The following PRDM16 variants were observed in gnomAD, a reference collection of about 807,000 sequenced individuals.
The protein encoded by PRDM16 is histone-lysine N-methyltransferase PRDM16.
Under a neutral mutation model 110.6 loss-of-function variants are expected in PRDM16, and 23 were observed. The observed-to-expected ratio is 0.21, with a 90% CI of 0.15 to 0.29. The LOEUF is 0.29. Ranked by LOEUF, PRDM16 falls within the 10% of genes least tolerant of loss-of-function variation. PRDM16 has a pLI of 1.00. For synonymous variants in PRDM16, 799 were observed against 781.8 expected, an observed-to-expected ratio of 1.02 and a Z score of -0.37; for missense variants, 1,615 against 1,794.3, an observed-to-expected ratio of 0.90 and a Z score of 1.81.
At position 3,434,451 on chromosome 1, in the gene PRDM16, A is replaced by G. The variant is rs1221907674; in HGVS notation, c.*640A>G. The G allele has an allele frequency of 4.3e-6, 1 of 231,106 alleles. No homozygotes were observed. The highest frequency in any genetic ancestry group is 6.1e-5 in the East Asian group (1 of 16,370). 14.3% of individuals were successfully genotyped at this position (231,106 alleles called of 1,614,324 possible). A position where few individuals can be genotyped will look rare whatever the true frequency, so the allele number is the denominator to read the frequency against. On this transcript the variant is annotated 3_prime_UTR_variant, in exon 17 of 17. Transcript: ENST00000270722. The stretch of plus-strand genomic sequence containing the variant: ...TGGGTGTATTCTTTATACTGTAGAT[A>G]ATGGAGAAATTTTCTATCTCTGTCC...
rs1010234762 is a variant in PRDM16, at chr1:3,436,894, A to T, written c.*3083A>T. The T allele has an allele frequency of 4.3e-6, 1 of 232,388 alleles. No individual in the cohort carries two copies. The highest frequency in any genetic ancestry group is 8.5e-6 in the Non-Finnish European group (1 of 117,766). The allele number at this position is 232,388 out of a possible 1,614,324, so 14.4% of individuals were successfully genotyped here. Reference sequence around the variant, plus strand: ...TGCTGCCCCAATGCTAACTCCTTGGATTGTCAACCCCCATCCCCCAAATGG... The same window carrying T: ...TGCTGCCCCAATGCTAACTCCTTGGTTTGTCAACCCCCATCCCCCAAATGG... On this transcript the variant is annotated 3_prime_UTR_variant, in exon 17 of 17. Coordinates refer to ENST00000270722, the MANE Select transcript of PRDM16 (RefSeq NM_022114.4).
At chr1:3,120,197 G>A (rs183630852) in intron 1 of PRDM16, among the ~76,000 whole-genome samples, 1 of 152,210 alleles carries the variant, frequency 6.6e-6, no homozygotes, top group Admixed American at 6.5e-5. Flanking sequence ...TAATTAAGGC[G>A]ATGGATTAAA....
chr1:3,371,372 A>G (rs538189909), intron 3 of PRDM16, among the ~76,000 whole-genome samples: 8 of 150,388 alleles, frequency 5.3e-5, no homozygotes, highest in Admixed American at 3.3e-4. Context: ...CCATTTGTCC[A>G]TCCACCCATC....
chr1:3,411,728 AC>A lies in PRDM16; in HGVS notation c.1536del (p.Gly513AlafsTer27), dbSNP rs2100662695. ...STAPPTFPAL[T>X]PGFPGIFPPS... ...GGCGCCTCCCACGTTCCCCGCACTC[AC>A]CCCCGGCTTCCCGGGCATCTTCCCT... On this transcript the variant is annotated frameshift_variant, in exon 9 of 17. Coordinates refer to ENST00000270722, the MANE Select transcript of PRDM16 (RefSeq NM_022114.4). LOFTEE classifies it high-confidence loss of function. 1 of 1,609,888 alleles carries A rather than the reference AC, an allele frequency of 6.2e-7. No individual in the cohort carries two copies. The highest frequency in any genetic ancestry group is 8.5e-7 in the Non-Finnish European group (1 of 1,178,160).
intron 1 of PRDM16, among the ~76,000 whole-genome samples, chr1:3,147,819 G>A (rs1569689275): frequency 6.6e-6 from 1 of 152,186 alleles, no homozygotes; most frequent in East Asian, 1.9e-4. Context: ...AGCCAGAGGT[G>A]AATCTGAGGT....
intron 1 of PRDM16, among the ~76,000 whole-genome samples, chr1:3,113,286 G>A (rs1035113682): frequency 2.0e-5 from 3 of 152,230 alleles, no homozygotes; most frequent in Non-Finnish European, 4.4e-5. Flanking sequence ...AGGGGAGTGG[G>A]AGGGGAAGCA....
At chr1:3,273,438 ATGTG>A (rs61465980) in intron 3 of PRDM16, among the ~76,000 whole-genome samples, 39,861 of 151,732 alleles carry the variant, frequency 0.26, 7,958 homozygotes, top group African/African-American at 0.54. Context: ...GTGCGTGCAC[ATGTG>A]TGTGTGTGGG....
At chr1:3,360,097 C>A (rs1642685561) in intron 3 of PRDM16, among the ~76,000 whole-genome samples, 1 of 152,236 alleles carries the variant, frequency 6.6e-6, no homozygotes, top group African/African-American at 2.4e-5. Flanking sequence ...TCGAACACTT[C>A]TTTTATCTCA....
At chr1:3,329,763 C>A (rs541247646) in intron 3 of PRDM16, among the ~76,000 whole-genome samples, 22 of 152,342 alleles carry the variant, frequency 1.4e-4, no homozygotes, top group African/African-American at 5.3e-4. Flanking sequence ...CCAGGCCGTG[C>A]GGCTTCTGGA....
chr1:3,139,535 G>T (rs1398112870), intron 1 of PRDM16, among the ~76,000 whole-genome samples: 26 of 152,252 alleles, frequency 1.7e-4, no homozygotes, highest in Admixed American at 1.6e-3. Flanking sequence ...CAGCAGTGCC[G>T]CATCCGGGGG....
chr1:3,127,330 C>G (rs1002154100), intron 1 of PRDM16, among the ~76,000 whole-genome samples: 1 of 152,194 alleles, frequency 6.6e-6, no homozygotes, highest in African/African-American at 2.4e-5. Flanking sequence ...ATGTTGGTTT[C>G]TGGAACCTTG....
intron 1 of PRDM16, among the ~76,000 whole-genome samples, chr1:3,174,347 CA>C (rs1205400512): frequency 6.6e-6 from 1 of 152,194 alleles, no homozygotes; most frequent in African/African-American, 2.4e-5. Flanking sequence ...AATCAGGTCA[CA>C]TTCTGAGGCC....
intron 10 of PRDM16, among the ~76,000 whole-genome samples, chr1:3,416,806 T>C (rs955815924): frequency 1.3e-5 from 2 of 152,188 alleles, no homozygotes; most frequent in Non-Finnish European, 2.9e-5. Flanking sequence ...GGCCCGGGGT[T>C]TGTTCCCTGT....
chr1:3,343,569 T>C (rs552468604), intron 3 of PRDM16, among the ~76,000 whole-genome samples: 1 of 152,180 alleles, frequency 6.6e-6, no homozygotes, highest in African/African-American at 2.4e-5. Context: ...CAGTTACATA[T>C]GTATCAGATA....
chr1:3,218,492 G>A (rs1042265098), intron 2 of PRDM16, among the ~76,000 whole-genome samples: 7 of 152,230 alleles, frequency 4.6e-5, no homozygotes, highest in South Asian at 2.1e-4. Flanking sequence ...GCACACATAC[G>A]CACACGTGCA....
chr1:3,198,930 C>T (rs1638550200), intron 2 of PRDM16, among the ~76,000 whole-genome samples: 1 of 152,232 alleles, frequency 6.6e-6, no homozygotes, highest in South Asian at 2.1e-4. Flanking sequence ...ACCGTAATTT[C>T]ACGAGCAGAG....
rs1322543390 is a variant in PRDM16, at chr1:3,431,090, G to C, written c.3503G>C (p.Gly1168Ala). 1 of 1,551,482 alleles carries C rather than the reference G, an allele frequency of 6.4e-7. No individual in the cohort carries two copies. Among genetic ancestry groups the C allele is most frequent in the South Asian group, 1.2e-5 (1 of 84,168 alleles). ...DEEPAASLAVGFDHTRRCAED... is the reference protein window; with the variant it reads ...DEEPAASLAVAFDHTRRCAED... ...GAGCCAGCCGCCTCCCTGGCCGTGG[G>C]CTTTGACCACACCCGAAGGTGGGGG... Residue 1168 changes from glycine to alanine, a missense_variant, in exon 15 of 17, where the codon GGC becomes GCC. Physicochemically the swap from Gly to Ala is moderately conservative, Grantham distance 60. Coordinates refer to ENST00000270722, the MANE Select transcript of PRDM16 (RefSeq NM_022114.4).
intron 4 of PRDM16, among the ~76,000 whole-genome samples, chr1:3,394,693 T>G (rs915979848): frequency 6.6e-6 from 1 of 152,196 alleles, no homozygotes; most frequent in Admixed American, 6.5e-5. Flanking sequence ...CCCTTCCACT[T>G]GCGCCTGCTA....
chr1:3,353,848 G>A lies in PRDM16; in HGVS notation c.439-31304G>A, dbSNP rs1642541463. 6.6e-6 allele frequency among the ~76,000 whole-genome samples: 1 copy of A among 152,164 alleles called. No homozygotes were observed. The highest frequency in any genetic ancestry group is 1.9e-4 in the East Asian group (1 of 5,158). The stretch of plus-strand genomic sequence containing the variant: ...CCCAGCGGAGCCAGTAGTGATGACA[G>A]GCGCAGCTGGGAGCAGCTTGGTAGA... On this transcript the variant is annotated intron_variant, in intron 3 of 16. Coordinates refer to ENST00000270722, the MANE Select transcript of PRDM16 (RefSeq NM_022114.4). The surrounding 1 kb of genome is among the most constrained non-coding windows in gnomAD (Gnocchi z 5.4).
Sources: gnomAD v4.1 joint callset for allele counts (sites outside exome capture counted in the v4.1 genomes callset) on GRCh38, gnomAD v4.1.1 for gene constraint, Gnocchi (gnomAD v3.1) non-coding constraint, MANE v1.5 for transcripts, NCBI Gene and HGNC (gene_info 2026-07-23, HGNC 2026-07-21) for gene names.